Variants in TANC2 observed in about 807,000 individuals in gnomAD.
TANC2 encodes protein TANC2.
A neutral mutation model predicts 210.5 loss-of-function variants in TANC2; 26 were observed. The observed-to-expected ratio is 0.12, with a 90% CI of 0.09 to 0.17. TANC2 has a LOEUF of 0.17. Ranked by LOEUF, TANC2 falls within the 10% of genes least tolerant of loss-of-function variation. The pLI is 1.00. For synonymous variants in TANC2, 931 were observed against 967.1 expected, an observed-to-expected ratio of 0.96 and a Z score of 0.69; for missense variants, 2,129 against 2,608.9, an observed-to-expected ratio of 0.82 and a Z score of 4.01.
intron 1 of TANC2, among the ~76,000 whole-genome samples, chr17:62,973,169 A>C (rs2031806831): frequency 1.3e-5 from 2 of 152,016 alleles, no homozygotes; most frequent in African/African-American, 4.8e-5. Context: ...AGCTGGGATC[A>C]CAGGCATGTG....
intron 9 of TANC2, among the ~76,000 whole-genome samples, chr17:63,278,652 G>C (rs896098726): frequency 6.6e-6 from 1 of 152,102 alleles, no homozygotes; most frequent in Non-Finnish European, 1.5e-5. Flanking sequence ...ACTGAAATCA[G>C]GGTCTCAGAG....
At chr17:63,363,508 T>C (rs1160774263) in intron 14 of TANC2, among the ~76,000 whole-genome samples, 1 of 152,196 alleles carries the variant, frequency 6.6e-6, no homozygotes. Context: ...AGATTTAAGT[T>C]TGCAATCCAT....
intron 5 of TANC2, among the ~76,000 whole-genome samples, chr17:63,173,590 T>C (rs1327668203): frequency 6.6e-6 from 1 of 152,200 alleles, no homozygotes; most frequent in African/African-American, 2.4e-5. Flanking sequence ...ATCTGAAGCC[T>C]TTCCTTTTTT....
intron 12 of TANC2, among the ~76,000 whole-genome samples, chr17:63,345,642 C>T (rs1177161472): frequency 7.5e-6 from 1 of 133,638 alleles, no homozygotes; most frequent in East Asian, 2.1e-4. Context: ...AAAAAAAACA[C>T]ATAATCCCAG....
chr17:63,140,051 T>C (rs2145300771), intron 4 of TANC2, among the ~76,000 whole-genome samples: 1 of 152,356 alleles, frequency 6.6e-6, no homozygotes, highest in Non-Finnish European at 1.5e-5. Flanking sequence ...TTTGTTTAAA[T>C]AATTTACTTT....
At chr17:63,071,396 A>G (rs967602688) in intron 2 of TANC2, among the ~76,000 whole-genome samples, 2 of 152,094 alleles carry the variant, frequency 1.3e-5, no homozygotes, top group African/African-American at 4.8e-5. Flanking sequence ...GCCTCAAGCG[A>G]TCCTCCCACC....
At chr17:63,388,986 T>C (rs903280250) in intron 16 of TANC2, among the ~76,000 whole-genome samples, 9 of 152,210 alleles carry the variant, frequency 5.9e-5, no homozygotes, top group Non-Finnish European at 1.5e-5. Flanking sequence ...GATCAGGTCC[T>C]GCTGGTTCCA....
At chr17:63,040,203 T>G (rs1168534512) in intron 2 of TANC2, among the ~76,000 whole-genome samples, 1 of 152,174 alleles carries the variant, frequency 6.6e-6, no homozygotes, top group Non-Finnish European at 1.5e-5. Context: ...TGATTACCTC[T>G]TTTATGAAAG....
intron 19 of TANC2, among the ~76,000 whole-genome samples, chr17:63,401,662 C>G (rs1323612498): frequency 6.6e-6 from 1 of 152,188 alleles, no homozygotes; most frequent in Non-Finnish European, 1.5e-5. Context: ...TATCTGCTGA[C>G]CCCCTCCCAT....
chr17:63,304,075 C>G (rs1390062554), intron 9 of TANC2, among the ~76,000 whole-genome samples: 1 of 152,040 alleles, frequency 6.6e-6, no homozygotes, highest in African/African-American at 2.4e-5. Context: ...CCTTCTGAAG[C>G]CCACTTCTGT....
At chr17:63,009,132 C>CTTTTTAATTTTCATTTTTAATT (rs1568313573) in intron 1 of TANC2, among the ~76,000 whole-genome samples, 2 of 151,664 alleles carry the variant, frequency 1.3e-5, no homozygotes, top group African/African-American at 4.8e-5. Flanking sequence ...ACTTTTATTA[C>CTTTTTAATTTTCATTTTTAATT]TTTTTAATTT....
intron 2 of TANC2, among the ~76,000 whole-genome samples, chr17:63,052,813 TA>T (rs2035628678): frequency 6.6e-6 from 1 of 152,230 alleles, no homozygotes; most frequent in Non-Finnish European, 1.5e-5. Context: ...ACAAATACAG[TA>T]AATAATTTAT....
At chr17:63,306,868 T>A (rs1048118047) in intron 9 of TANC2, among the ~76,000 whole-genome samples, 1 of 152,112 alleles carries the variant, frequency 6.6e-6, no homozygotes, top group South Asian at 2.1e-4. Context: ...GCAGGAGGAT[T>A]GCTTGAGCCC....
chr17:63,297,189 G>A (rs1403897798), intron 9 of TANC2, among the ~76,000 whole-genome samples: 3 of 152,144 alleles, frequency 2.0e-5, no homozygotes, highest in African/African-American at 4.8e-5. Context: ...AATTCCAACA[G>A]CCTGTTGGGC....
chr17:63,170,596 A>T (rs1220950316), intron 5 of TANC2, among the ~76,000 whole-genome samples: 1 of 152,192 alleles, frequency 6.6e-6, no homozygotes, highest in Middle Eastern at 3.2e-3. Context: ...TAAAGTATGT[A>T]AAAGTATTTT....
rs1166814116 is a variant in TANC2 at position 63,421,333 on chromosome 17, C to T, written c.5603C>T (p.Pro1868Leu). The change falls in exon 28 of 28, where the codon CCA becomes CTA. Residue 1868 changes from proline to leucine, a missense_variant. Around this residue, in one of 5 missense-constraint regions of TANC2, gnomAD observed 584 missense variants for 627.3 expected, o/e 0.93. Transcript: ENST00000689528. The surrounding 1 kb of genome is among the most constrained non-coding windows in gnomAD (Gnocchi z 6.9). ...CAAAGTGTAGGCCTTCGCTTCTCTC[C>T]ATCTAGCAATAGTATCTCCTCCACC... is the stretch of plus-strand genomic sequence containing the variant. 3.1e-6 allele frequency: 5 copies of T among 1,613,926 alleles called. No homozygotes were observed. Among genetic ancestry groups the T allele is most frequent in the Non-Finnish European group, 3.4e-6 (4 of 1,179,918 alleles).
intron 10 of TANC2, among the ~76,000 whole-genome samples, chr17:63,317,565 T>G (rs944315729): frequency 6.6e-6 from 1 of 152,194 alleles, no homozygotes; most frequent in Non-Finnish European, 1.5e-5. Flanking sequence ...TTGGGGAAGC[T>G]CTAATACAAG....
intron 19 of TANC2, among the ~76,000 whole-genome samples, chr17:63,402,402 T>C (rs549633752): frequency 3.1e-4 from 47 of 152,356 alleles, no homozygotes; most frequent in African/African-American, 1.1e-3. Context: ...TTGAGAGCAG[T>C]GTCTGACATA....
At position 63,112,747 on chromosome 17, in the gene TANC2, T is replaced by C. The variant is rs2038099836; in HGVS notation, c.322+13390T>C. On this transcript the variant is annotated intron_variant, in intron 4 of 27. Coordinates refer to ENST00000689528, the Ensembl canonical transcript of TANC2. ...ACTTCTTGTGACAAACAAGGGGAAA[T>C]AATAAAAAGAATCCTAACATGTGAA... Among the ~76,000 whole-genome samples the C allele has an allele frequency of 2.0e-5, 3 of 152,182 alleles. No homozygotes were observed. The South Asian group carries it at 6.2e-4, about 31-fold the overall frequency.
Sources: allele counts gnomAD v4.1 joint callset (sites outside exome capture counted in the v4.1 genomes callset), GRCh38; gene constraint gnomAD v4.1.1; regional missense constraint gnomAD v4.1.1; non-coding constraint Gnocchi (gnomAD v3.1); transcripts MANE v1.5; gene names NCBI Gene and HGNC (gene_info 2026-07-23, HGNC 2026-07-21).